Variants in RPRD1B observed in about 807,000 individuals in gnomAD.
RPRD1B encodes the protein regulation of nuclear pre-mRNA domain-containing protein 1B.
RPRD1B carries 11 observed loss-of-function variants against 41.5 expected under a neutral mutation model. The ratio of observed to expected loss-of-function variants is 0.27; its 90% CI spans 0.17 to 0.44. The LOEUF (loss-of-function observed/expected upper bound fraction) is 0.44, where lower values mean the gene tolerates loss of function less well. Among genes scored for constraint, RPRD1B ranks in the 20% least tolerant of loss-of-function variants. RPRD1B has a pLI of 1.00. For missense variants in RPRD1B, 248 were observed against 389.9 expected (o/e 0.64, Z 3.06); for synonymous variants, 158 against 155.6 (o/e 1.02, Z -0.12).
rs200927738 is a variant in RPRD1B at position 38,059,504 on chromosome 20, A to T, written c.639A>T (p.Leu213=). 61 of 1,613,932 alleles carry T rather than the reference A, an allele frequency of 3.8e-5. No homozygotes were observed. The Admixed American group carries it at 7.7e-4, about 20-fold the overall frequency. ...SLPQEVQDVS[L]LEKITDKEAA... is the part of the protein sequence containing the mutation. ...CCCAGGAAGTGCAAGATGTTTCTCT[A>T]TTGGAAAAAATAACAGGTGAGAAGG... Residue 213 remains leucine, a synonymous_variant, in exon 5 of 7, where the codon CTA becomes CTT. Transcript: ENST00000373433.
At chr20:38,070,348 G>A (rs1371508878) in intron 6 of RPRD1B, 1 of 985,438 alleles carries the variant, frequency 1.0e-6, no homozygotes, top group Non-Finnish European at 1.2e-6. Context: ...TAGAAATGGA[G>A]AAGGCACGTG....
At chr20:38,038,083 CTT>C (rs996011151) in intron 1 of RPRD1B, among the ~76,000 whole-genome samples, 26 of 152,144 alleles carry the variant, frequency 1.7e-4, no homozygotes, top group African/African-American at 6.3e-4. Context: ...ACTACTGACA[CTT>C]TTGTTCTGCT....
rs894443620 is a variant in RPRD1B at position 38,090,465 on chromosome 20, T to C, written c.*590T>C. 1 of 985,840 alleles carries C rather than the reference T, an allele frequency of 1.0e-6. No individual in the cohort carries two copies. Among genetic ancestry groups the C allele is most frequent in the African/African-American group, 1.7e-5 (1 of 57,228 alleles). 61.1% of individuals were successfully genotyped at this position (985,840 alleles called of 1,614,324 possible). On this transcript the variant is annotated 3_prime_UTR_variant, in exon 7 of 7. Transcript: ENST00000373433. ...TGCACGAAGATTAGGTGCATTTATT[T>C]TGTAAACAGATTGGAGAATCTAGCA...
chr20:38,042,677 T>C (rs967432597), intron 2 of RPRD1B, among the ~76,000 whole-genome samples: 3 of 152,200 alleles, frequency 2.0e-5, no homozygotes, highest in African/African-American at 7.2e-5. Flanking sequence ...GGACAGAAAG[T>C]CCAACAGTTC....
intron 6 of RPRD1B, among the ~76,000 whole-genome samples, chr20:38,068,222 A>T (rs912109814): frequency 1.3e-5 from 2 of 152,210 alleles, no homozygotes; most frequent in African/African-American, 4.8e-5. Context: ...TGGGGCTGGC[A>T]TTCCATTGCT....
chr20:38,091,672 G>A lies in RPRD1B; in HGVS notation c.*1797G>A. On this transcript the variant is annotated 3_prime_UTR_variant, in exon 7 of 7. Coordinates refer to ENST00000373433, the MANE Select transcript of RPRD1B (RefSeq NM_021215.4). ...GGTGTGCTGCTTTCTAGATGAGCGT[G>A]TTTTGGAGCAGGCCCATCTGGGACA... The A allele has an allele frequency of 1.0e-6, 1 of 985,594 alleles. No homozygotes were observed. The highest frequency in any genetic ancestry group is 1.2e-6 in the Non-Finnish European group (1 of 829,994). The allele number at this position is 985,594 out of a possible 1,614,324, so 61.1% of individuals were successfully genotyped here.
intron 3 of RPRD1B, chr20:38,048,722 T>G: frequency 2.3e-6 from 1 of 435,102 alleles, no homozygotes; most frequent in Non-Finnish European, 3.1e-6. Context: ...CTTGGCTTGC[T>G]TCTGTCTTTC....
At chr20:38,056,235 AC>A (rs1225419509) in intron 3 of RPRD1B, among the ~76,000 whole-genome samples, 1 of 152,068 alleles carries the variant, frequency 6.6e-6, no homozygotes, top group African/African-American at 2.4e-5. Context: ...TACTAAAAAT[AC>A]AAAAATTAGC....
chr20:38,043,509 TA>T (rs1438307390), intron 2 of RPRD1B, among the ~76,000 whole-genome samples: 1 of 151,862 alleles, frequency 6.6e-6, no homozygotes, highest in African/African-American at 2.4e-5. Context: ...CATCCCTCTT[TA>T]AAAATGGCTT....
chr20:38,049,309 A>G (rs547889004), intron 3 of RPRD1B, among the ~76,000 whole-genome samples: 1 of 146,410 alleles, frequency 6.8e-6, no homozygotes, highest in East Asian at 2.0e-4. Context: ...CTGTGTGTGA[A>G]TTTTGCAAAG....
intron 2 of RPRD1B, among the ~76,000 whole-genome samples, chr20:38,047,195 T>C (rs1020680652): frequency 2.6e-5 from 4 of 152,204 alleles, no homozygotes; most frequent in African/African-American, 4.8e-5. Context: ...TCCTTTTTTT[T>C]CCCGAACCCT....
At chr20:38,061,872 C>G (rs2074301063) in intron 5 of RPRD1B, among the ~76,000 whole-genome samples, 2 of 152,170 alleles carry the variant, frequency 1.3e-5, no homozygotes, top group Admixed American at 6.5e-5. Context: ...CCCCCCACCC[C>G]GCAAACACCC....
At chr20:38,044,187 C>A (rs940017878) in intron 2 of RPRD1B, among the ~76,000 whole-genome samples, 1 of 152,144 alleles carries the variant, frequency 6.6e-6, no homozygotes. Context: ...GTATAAGCTT[C>A]CGAGTCCTCT....
At chr20:38,043,188 T>C (rs976860372) in intron 2 of RPRD1B, among the ~76,000 whole-genome samples, 15 of 152,166 alleles carry the variant, frequency 9.9e-5, no homozygotes, top group Admixed American at 7.9e-4. Flanking sequence ...TCACAGGTAG[T>C]GTGGTTCAGG....
chr20:38,066,662 CT>C (rs533942546), intron 6 of RPRD1B, among the ~76,000 whole-genome samples: 78 of 147,656 alleles, frequency 5.3e-4, no homozygotes, highest in African/African-American at 8.6e-4. Context: ...AGGTTTATTT[CT>C]TTTTTTTTTT....
At chr20:38,064,327 G>A (rs775836369) in intron 5 of RPRD1B, among the ~76,000 whole-genome samples, 29 of 152,214 alleles carry the variant, frequency 1.9e-4, no homozygotes, top group Non-Finnish European at 3.4e-4. Flanking sequence ...ACATTAAGAA[G>A]GCATCGAAAA....
chr20:38,039,508 G>A (rs899048493), intron 1 of RPRD1B, among the ~76,000 whole-genome samples: 5 of 151,628 alleles, frequency 3.3e-5, no homozygotes, highest in East Asian at 1.9e-4. Context: ...GGATTCAAGC[G>A]ATTCTCCCAC....
At chr20:38,076,906 CTTTTTTTTTTTT>C (rs573460686) in intron 6 of RPRD1B, among the ~76,000 whole-genome samples, 788 of 63,506 alleles carry the variant, frequency 0.012, 17 homozygotes, top group African/African-American at 0.06. Flanking sequence ...CATTCTGGAC[CTTTTTTTTTTTT>C]TTTTTTTTTT....
chr20:38,084,184 T>A (rs1161368996), intron 6 of RPRD1B, among the ~76,000 whole-genome samples: 23 of 152,102 alleles, frequency 1.5e-4, no homozygotes, highest in Non-Finnish European at 2.8e-4. Context: ...AGCTTCCCCT[T>A]TGGGCTTGGC....
Sources: gnomAD v4.1 joint callset for allele counts (sites outside exome capture counted in the v4.1 genomes callset) on GRCh38, gnomAD v4.1.1 for gene constraint, MANE v1.5 for transcripts, NCBI Gene and HGNC (gene_info 2026-07-23, HGNC 2026-07-21) for gene names.